The following FREM1 variants were observed in gnomAD, a reference collection of about 807,000 sequenced individuals.
FREM1 encodes FRAS1-related extracellular matrix protein 1.
A neutral mutation model predicts 210.1 loss-of-function variants in FREM1; 220 were observed. The ratio of observed to expected loss-of-function variants is 1.05; its 90% CI spans 0.94 to 1.17. The LOEUF is 1.17. FREM1 is among the 50% of genes most tolerant of loss of function. The pLI, the probability that FREM1 is intolerant of heterozygous loss-of-function variation, is 0.00. For synonymous variants in FREM1, 1,189 were observed against 980.2 expected (o/e 1.21, Z -3.98); for missense variants, 3,454 against 2,675.5 (o/e 1.29, Z -6.42).
At chr9:14,904,145 A>G (rs1817272243) in intron 1 of FREM1, among the ~76,000 whole-genome samples, 1 of 151,030 alleles carries the variant, frequency 6.6e-6, no homozygotes, top group South Asian at 2.1e-4. Flanking sequence ...AAACACTTAG[A>G]CATTTCTGTG....
intron 16 of FREM1, 136 bp from the exon 17 acceptor site, chr9:14,808,270 C>A: frequency 1.8e-6 from 1 of 553,864 alleles, no homozygotes; most frequent in Non-Finnish European, 3.0e-6. Flanking sequence ...ATGTAAAACC[C>A]AATTTTATCA....
At chr9:14,769,610 G>A (rs371875897) in intron 27 of FREM1, 114 bp downstream of exon 27, 2 of 1,075,460 alleles carry the variant, frequency 1.9e-6, no homozygotes, top group Admixed American at 3.2e-5. Flanking sequence ...TTGTGAAATG[G>A]TCTATTAATT....
intron 1 of FREM1, among the ~76,000 whole-genome samples, chr9:14,870,968 T>C (rs1457716682): frequency 1.3e-5 from 2 of 152,038 alleles, no homozygotes; most frequent in Non-Finnish European, 1.5e-5. Flanking sequence ...TCCATGTCCC[T>C]ACAAAGGACA....
intron 6 of FREM1, 29 bp from the exon 7 acceptor site, chr9:14,848,802 C>T (rs751269680): frequency 1.5e-6 from 2 of 1,348,474 alleles, no homozygotes; most frequent in Non-Finnish European, 1.1e-6. Flanking sequence ...AAAGGAGCCA[C>T]ACACTGAAGC....
Position 14,817,962 on chromosome 9 carries a change from C to T in FREM1, c.2547-1091G>A, listed in dbSNP as rs529671843. On this transcript the variant is annotated intron_variant, in intron 14 of 36. Coordinates refer to ENST00000380880, the MANE Select transcript of FREM1 (RefSeq NM_001379081.2). Reference sequence around the variant, plus strand: ...AAATCCCTAAAAGGATCAAATGGCCCTAAGAGTACACATCCAAAGGATGAC... The same window carrying T: ...AAATCCCTAAAAGGATCAAATGGCCTTAAGAGTACACATCCAAAGGATGAC... Among the ~76,000 whole-genome samples the T allele has an allele frequency of 1.8e-4, 28 of 152,288 alleles. 1 individual carries two copies. In the South Asian group the frequency reaches 5.6e-3, roughly 30 times the overall value.
chr9:14,884,172 T>C (rs1490081491), intron 1 of FREM1, among the ~76,000 whole-genome samples: 1 of 151,998 alleles, frequency 6.6e-6, no homozygotes, highest in Non-Finnish European at 1.5e-5. Context: ...GAGGTTGCAG[T>C]GAGCCAAGAT....
At chr9:14,744,517 TTCTC>T (rs1290823823) in intron 35 of FREM1, among the ~76,000 whole-genome samples, 2 of 152,094 alleles carry the variant, frequency 1.3e-5, no homozygotes, top group East Asian at 1.9e-4. Context: ...TAGGGCTGCT[TTCTC>T]TCTATGTTCC....
chr9:14,859,147 T>C, intron 4 of FREM1, 36 bp downstream of exon 4: 1 of 1,500,590 alleles, frequency 6.7e-7, no homozygotes, highest in Non-Finnish European at 8.9e-7. Flanking sequence ...TTGTCAGTTT[T>C]GGTAATACCC....
Position 14,747,415 on chromosome 9 carries a change from A to C in FREM1, c.5858T>G (p.Val1953Gly). 3 of 1,613,452 alleles carry C rather than the reference A, an allele frequency of 1.9e-6. No individual in the cohort carries two copies. Among genetic ancestry groups the C allele is most frequent in the Non-Finnish European group, 1.7e-6 (2 of 1,179,562 alleles). ...TDIIYNYHGI[V>G]SLKLEDDSFP... ...ACTGTCATCCTCCAGTTTCAAGGAA[A>C]CTATCCCATGATACTTGAGGAAACC... Residue 1953 changes from valine to glycine, a missense_variant, in exon 33 of 37, where the codon GTT (valine) becomes GGT (glycine). Physicochemically the swap from Val to Gly is moderately radical, Grantham distance 109. Transcript: ENST00000380880.
At chr9:14,819,545 C>T (rs1315656170) in intron 13 of FREM1, 103 bp from the exon 14 acceptor site, 5 of 637,672 alleles carry the variant, frequency 7.8e-6, no homozygotes, top group Non-Finnish European at 1.3e-5. Context: ...TCTTCACATG[C>T]AAACTAATTT....
intron 1 of FREM1, among the ~76,000 whole-genome samples, chr9:14,870,254 T>A (rs577957581): frequency 6.6e-6 from 1 of 152,342 alleles, no homozygotes; most frequent in Admixed American, 6.5e-5. Context: ...TCTATTTCCA[T>A]TCCCTTGTCA....
At chr9:14,803,315 T>TCCCCTCCCC (rs1817691199) in intron 19 of FREM1, among the ~76,000 whole-genome samples, 2 of 96,324 alleles carry the variant, frequency 2.1e-5, no homozygotes, top group Admixed American at 1.2e-4. Context: ...TCTTTTTCTT[T>TCCCCTCCCC]TCCCCTCCCC....
intron 1 of FREM1, among the ~76,000 whole-genome samples, chr9:14,870,933 C>T (rs1031354614): frequency 5.3e-5 from 8 of 151,404 alleles, no homozygotes; most frequent in African/African-American, 1.9e-4. Flanking sequence ...CGATAGTTTA[C>T]TGAGAATGAT....
In FREM1 at chr9:14,819,313, C is replaced by T. The variant is rs1052473452; in HGVS notation, c.2467G>A (p.Gly823Arg). 5.6e-6 allele frequency: 9 copies of T among 1,613,836 alleles called. No individual in the cohort carries two copies. Among genetic ancestry groups the T allele is most frequent in the Non-Finnish European group, 7.6e-6 (9 of 1,179,866 alleles). The change falls in exon 14 of 37, where the codon GGA becomes AGA. Residue 823 changes from glycine (G) to arginine (R), a missense_variant. Physicochemically the swap from Gly to Arg is moderately radical, Grantham distance 125. Coordinates refer to ENST00000380880, the MANE Select transcript of FREM1 (RefSeq NM_001379081.2). Reference protein sequence around the residue: ...DLSLRELPLHGRVELNGFPLN... With the variant: ...DLSLRELPLHRRVELNGFPLN... ...GGAAATCCATTCAGCTCCACCCTTC[C>T]GTGCAGAGGCAATTCCCGCAGGGAG...
chr9:14,743,780 G>C (rs942201324), intron 35 of FREM1, among the ~76,000 whole-genome samples: 13 of 152,002 alleles, frequency 8.6e-5, no homozygotes, highest in Admixed American at 8.5e-4. Flanking sequence ...AATTTTGTAA[G>C]CAGAGACACC....
At chr9:14,873,614 A>C (rs1833138652) in intron 1 of FREM1, among the ~76,000 whole-genome samples, 1 of 152,124 alleles carries the variant, frequency 6.6e-6, no homozygotes, top group East Asian at 1.9e-4. Flanking sequence ...TTTCAAAAAA[A>C]CCAGATCCTG....
chr9:14,809,119 G>C (rs1347686597), intron 16 of FREM1, among the ~76,000 whole-genome samples: 3 of 152,174 alleles, frequency 2.0e-5, no homozygotes, highest in African/African-American at 7.2e-5. Context: ...GATAGTGAAT[G>C]AGTCTCATGA....
chr9:14,740,768 CTTCATA>C (rs1195837155), intron 35 of FREM1, among the ~76,000 whole-genome samples: 1 of 152,086 alleles, frequency 6.6e-6, no homozygotes, highest in Non-Finnish European at 1.5e-5. Flanking sequence ...ACTGTCAAAC[CTTCATA>C]TAATGCACAG....
chr9:14,882,326 T>G lies in FREM1; in HGVS notation c.-267-13082A>C, dbSNP rs74598459. 8.2e-3 allele frequency among the ~76,000 whole-genome samples: 1,231 copies of G among 150,048 alleles called. 22 individuals are homozygous for G. The highest frequency in any genetic ancestry group is 0.029 in the African/African-American group (1,157 of 39,616). ...AAAGTCCAAGATCCTAATGTTTATCTGCCAGGAAGAGACAAGAGAAGAGAG... is the reference window on the plus strand; with the variant it reads ...AAAGTCCAAGATCCTAATGTTTATCGGCCAGGAAGAGACAAGAGAAGAGAG... On this transcript the variant is annotated intron_variant, in intron 1 of 36. Coordinates refer to ENST00000380880, the MANE Select transcript of FREM1 (RefSeq NM_001379081.2).
Sources: gnomAD v4.1 joint callset for allele counts (sites outside exome capture counted in the v4.1 genomes callset) on GRCh38, gnomAD v4.1.1 for gene constraint, MANE v1.5 for transcripts, NCBI Gene and HGNC (gene_info 2026-07-23, HGNC 2026-07-21) for gene names.